PIWIL1: variants seen among roughly 807,000 people sequenced by gnomAD.
The protein encoded by PIWIL1 is piwi like RNA-mediated gene silencing 1, also known as piwi-like protein 1.
In PIWIL1, 73 loss-of-function variants were observed where a neutral mutation model predicts 114.4. That is an observed-to-expected ratio of 0.64 (90% confidence interval 0.53 to 0.78). PIWIL1 has a LOEUF of 0.78. Among genes scored for constraint, PIWIL1 ranks in the 30% least tolerant of loss-of-function variants. The pLI is 0.00. For synonymous variants in PIWIL1, 375 were observed against 369.0 expected (o/e 1.02, Z -0.19); for missense variants, 723 against 1,063.1 (o/e 0.68, Z 4.45).
the PIWIL1 span, among the ~76,000 whole-genome samples, chr12:130,416,042 C>A: frequency 6.6e-6 from 1 of 152,038 alleles, no homozygotes; most frequent in East Asian, 1.9e-4. Context: ...GGTGAAAGAT[C>A]TCTACAAGGA....
the PIWIL1 span, among the ~76,000 whole-genome samples, chr12:130,391,568 G>T: frequency 2.6e-5 from 4 of 152,116 alleles, no homozygotes. Context: ...CAATTTGTAT[G>T]GTTACTTACA....
the PIWIL1 span, among the ~76,000 whole-genome samples, chr12:130,418,807 A>G: frequency 2.3e-4 from 35 of 152,280 alleles, no homozygotes; most frequent in African/African-American, 7.7e-4. Context: ...ATGATCTGTG[A>G]AAACATCTTT....
At chr12:130,401,504 C>T in the PIWIL1 span, among the ~76,000 whole-genome samples, 9 of 151,900 alleles carry the variant, frequency 5.9e-5, no homozygotes, top group East Asian at 1.9e-4. Context: ...TGTTCAGCAA[C>T]GCTGCCAGGT....
chr12:130,352,993 C>T (rs1247700435), intron 9 of PIWIL1, among the ~76,000 whole-genome samples: 3 of 152,186 alleles, frequency 2.0e-5, no homozygotes, highest in East Asian at 3.8e-4. Flanking sequence ...AAGTCAAGAA[C>T]GGGCTAGAAT....
the PIWIL1 span, among the ~76,000 whole-genome samples, chr12:130,419,337 G>A: frequency 9.6e-4 from 146 of 152,296 alleles, 1 homozygote; most frequent in African/African-American, 3.3e-3. The surrounding 1 kb of genome is among the most constrained non-coding windows in gnomAD (Gnocchi z 4.3). Context: ...TGTGCATATC[G>A]TGTGGGAGAT....
the PIWIL1 span, among the ~76,000 whole-genome samples, chr12:130,423,656 CAA>C: frequency 0.082 from 4,134 of 50,408 alleles, 117 homozygotes; most frequent in African/African-American, 0.19. Flanking sequence ...AAACAATATG[CAA>C]AAAAAAAAAA....
At chr12:130,404,487 A>G in the PIWIL1 span, among the ~76,000 whole-genome samples, 1 of 152,036 alleles carries the variant, frequency 6.6e-6, no homozygotes, top group African/African-American at 2.4e-5. Context: ...TTCAGTAGAA[A>G]CGGGGTTTCA....
downstream of PIWIL1, among the ~76,000 whole-genome samples, chr12:130,373,738 C>T (rs2073845646): frequency 6.6e-6 from 1 of 152,130 alleles, no homozygotes. Flanking sequence ...AAGGGGTCTC[C>T]TTAACATCGT....
chr12:130,406,287 C>T, the PIWIL1 span: 2 of 1,323,312 alleles, frequency 1.5e-6, no homozygotes, highest in African/African-American at 1.5e-5. Context: ...TTCTACACAA[C>T]AGTAGTAGTT....
At chr12:130,399,091 C>T in the PIWIL1 span, 26 of 1,312,534 alleles carry the variant, frequency 2.0e-5, no homozygotes, top group East Asian at 4.4e-4. Context: ...GTATCTTTAT[C>T]GGTATCTTCA....
At chr12:130,387,916 T>C in the PIWIL1 span, among the ~76,000 whole-genome samples, 6 of 152,284 alleles carry the variant, frequency 3.9e-5, no homozygotes, top group Non-Finnish European at 7.3e-5. Flanking sequence ...CAGAGTTTTC[T>C]GTGTTTTAAA....
At chr12:130,368,066 G>A (rs547842309) in intron 19 of PIWIL1, among the ~76,000 whole-genome samples, 2 of 152,220 alleles carry the variant, frequency 1.3e-5, no homozygotes, top group African/African-American at 4.8e-5. Flanking sequence ...CTAAAGTGCT[G>A]GGATTACAGG....
the PIWIL1 span, chr12:130,426,235 A>G: frequency 6.6e-6 from 1 of 151,448 alleles, no homozygotes; most frequent in East Asian, 1.9e-4. Flanking sequence ...ACATCTTGTA[A>G]TTTCTAAAGA....
intron 3 of PIWIL1, 79 bp from the exon 4 acceptor site, chr12:130,345,674 A>G (rs756135276): frequency 5.4e-6 from 8 of 1,472,694 alleles, no homozygotes; most frequent in African/African-American, 1.4e-5. Flanking sequence ...TGGATTACAC[A>G]TAATAGCACT....
intron 3 of PIWIL1, among the ~76,000 whole-genome samples, chr12:130,344,633 A>G (rs1468657251): frequency 6.6e-6 from 1 of 152,200 alleles, no homozygotes; most frequent in Non-Finnish European, 1.5e-5. Context: ...TCAGAAGAGA[A>G]CTGGACTCTG....
chr12:130,368,592 G>C (rs1055062327), intron 19 of PIWIL1, among the ~76,000 whole-genome samples: 2 of 152,098 alleles, frequency 1.3e-5, no homozygotes, highest in Non-Finnish European at 2.9e-5. Flanking sequence ...TAGCCTATTG[G>C]GGAAAAATTG....
intron 9 of PIWIL1, chr12:130,351,839 C>T (rs2073220632): frequency 6.6e-6 from 1 of 152,174 alleles, no homozygotes. Flanking sequence ...TTTATTTCCT[C>T]TACCTTCTGA....
chr12:130,352,632 A>G lies in PIWIL1; in HGVS notation c.1045-1905A>G, dbSNP rs117445028. 1.6e-3 allele frequency among the ~76,000 whole-genome samples: 247 copies of G among 152,338 alleles called. 2 individuals carry two copies. In the Middle Eastern group the frequency reaches 0.02, roughly 13 times the overall value. On this transcript the variant is annotated intron_variant, in intron 9 of 20. Coordinates refer to ENST00000245255, the MANE Select transcript of PIWIL1 (RefSeq NM_004764.5). Reference sequence around the variant, plus strand: ...GAGACGGAGGTTGCAGTGAGCCGAGACAGCACTCCAGCCTGGGCGACAGAA... The same window carrying G: ...GAGACGGAGGTTGCAGTGAGCCGAGGCAGCACTCCAGCCTGGGCGACAGAA...
the PIWIL1 span, among the ~76,000 whole-genome samples, chr12:130,407,122 T>C: frequency 6.6e-6 from 1 of 152,222 alleles, no homozygotes; most frequent in South Asian, 2.1e-4. Flanking sequence ...ATTTTCTTTC[T>C]AAATGTCAAA....
Sources: gnomAD v4.1 joint callset for allele counts (sites outside exome capture counted in the v4.1 genomes callset) on GRCh38, gnomAD v4.1.1 for gene constraint, Gnocchi (gnomAD v3.1) non-coding constraint, MANE v1.5 for transcripts, NCBI Gene and HGNC (gene_info 2026-07-23, HGNC 2026-07-21) for gene names.